The following CEP128 variants were observed in gnomAD, a reference collection of about 807,000 sequenced individuals.
CEP128 encodes centrosomal protein 128kDa.
Under a neutral mutation model 156.7 loss-of-function variants are expected in CEP128, and 132 were observed. That is an observed-to-expected ratio of 0.84 (90% CI 0.73 to 0.97). The LOEUF (loss-of-function observed/expected upper bound fraction) is 0.97. Ranked by LOEUF, CEP128 falls within the 50% of genes least tolerant of loss-of-function variation. The pLI, the probability that CEP128 is intolerant of heterozygous loss-of-function variation, is 0.00. For synonymous variants in CEP128, 469 were observed against 448.9 expected, an observed-to-expected ratio of 1.04 and a Z score of -0.57; for missense variants, 1,252 against 1,281.9, an observed-to-expected ratio of 0.98 and a Z score of 0.36.
At chr14:80,562,306 T>C (rs914222122) in intron 20 of CEP128, among the ~76,000 whole-genome samples, 3 of 151,144 alleles carry the variant, frequency 2.0e-5, no homozygotes, top group Non-Finnish European at 4.4e-5. Flanking sequence ...TCAAAAAACA[T>C]GAGGAAATTA....
chr14:80,613,290 GC>G (rs1893074169), intron 19 of CEP128, among the ~76,000 whole-genome samples: 1 of 137,384 alleles, frequency 7.3e-6, no homozygotes, highest in African/African-American at 2.7e-5. Flanking sequence ...ACAATGGAGA[GC>G]ATTTTTTTTT....
At chr14:80,520,767 G>T (rs1888704777) in intron 23 of CEP128, among the ~76,000 whole-genome samples, 1 of 152,104 alleles carries the variant, frequency 6.6e-6, no homozygotes, top group African/African-American at 2.4e-5. Flanking sequence ...GGGATGCAAA[G>T]ATGTTTTTAA....
At chr14:80,613,152 G>C (rs1014449295) in intron 19 of CEP128, among the ~76,000 whole-genome samples, 1 of 151,470 alleles carries the variant, frequency 6.6e-6, no homozygotes. Flanking sequence ...CACCACGCCC[G>C]GCCCATTGCT....
chr14:80,746,880 T>C (rs1302826691), intron 18 of CEP128, among the ~76,000 whole-genome samples: 3 of 152,156 alleles, frequency 2.0e-5, no homozygotes, highest in African/African-American at 7.2e-5. Context: ...AAGAAGTCAG[T>C]AATAAAAAGA....
In CEP128 at chr14:80,478,912, C is replaced by T. The variant is rs928716611; in HGVS notation, c.*311-505G>A. ...CCAGTTAGCTTTGTCACTCATTGTT[C>T]AACAGCTTCTGTGATTTGTTGCTGA... On this transcript the variant is annotated intron_variant and NMD_transcript_variant, in intron 14 of 14. Coordinates refer to the CEP128 transcript ENST00000554502. Among the ~76,000 whole-genome samples, 7 of 152,132 alleles carry T rather than the reference C, an allele frequency of 4.6e-5. No homozygotes were observed. In the East Asian group the frequency reaches 1.3e-3, roughly 29 times the overall value.
At chr14:80,759,729 C>G (rs1025588725) in intron 17 of CEP128, among the ~76,000 whole-genome samples, 1 of 152,072 alleles carries the variant, frequency 6.6e-6, no homozygotes, top group East Asian at 1.9e-4. Flanking sequence ...CACAGTCACT[C>G]CATGTCTGAA....
In CEP128 at chr14:80,845,700, G is replaced by C. The variant is rs143077851; in HGVS notation, c.763-4932C>G. Reference sequence around the variant, plus strand: ...TATTTTATGCCTTTGGGTTTAGAAGGGTTTTTTTTGTTTTTCACTATTTTC... The same window carrying C: ...TATTTTATGCCTTTGGGTTTAGAAGCGTTTTTTTTGTTTTTCACTATTTTC... On this transcript the variant is annotated intron_variant, in intron 9 of 24. Coordinates refer to ENST00000555265, the MANE Select transcript of CEP128 (RefSeq NM_152446.5). Among the ~76,000 whole-genome samples the C allele has an allele frequency of 6.4e-4, 97 of 152,066 alleles. 1 individual carries two copies. The highest frequency in any genetic ancestry group is 3.4e-3 in the Middle Eastern group (1 of 294).
intron 20 of CEP128, among the ~76,000 whole-genome samples, chr14:80,567,625 T>G (rs989487354): frequency 1.3e-5 from 2 of 152,182 alleles, no homozygotes; most frequent in Non-Finnish European, 2.9e-5. Context: ...TACATAGGTG[T>G]GTGCTACAGA....
chr14:80,594,779 T>G (rs1201671757), intron 19 of CEP128, among the ~76,000 whole-genome samples: 2 of 152,132 alleles, frequency 1.3e-5, no homozygotes, highest in African/African-American at 2.4e-5. Context: ...GAGATACCCA[T>G]CTCACACCAG....
intron 19 of CEP128, among the ~76,000 whole-genome samples, chr14:80,686,186 T>C (rs1445587709): frequency 2.0e-5 from 3 of 151,992 alleles, no homozygotes; most frequent in Non-Finnish European, 4.4e-5. Flanking sequence ...AGAAGATATT[T>C]GCAAACTATG....
chr14:80,781,960 G>A (rs1186956076), intron 15 of CEP128, among the ~76,000 whole-genome samples: 1 of 152,128 alleles, frequency 6.6e-6, no homozygotes, highest in African/African-American at 2.4e-5. Context: ...CTAGTGAGAA[G>A]GAAGGTTCTA....
intron 9 of CEP128, among the ~76,000 whole-genome samples, chr14:80,857,475 G>A (rs913245699): frequency 1.2e-4 from 18 of 151,792 alleles, no homozygotes; most frequent in South Asian, 4.2e-4. Flanking sequence ...GCTCCCTCCC[G>A]TAATCCCAGC....
intron 21 of CEP128, among the ~76,000 whole-genome samples, chr14:80,546,361 C>T (rs1353558674): frequency 2.0e-5 from 3 of 152,130 alleles, no homozygotes; most frequent in African/African-American, 7.2e-5. Context: ...ACAATCAGGT[C>T]TTCTAACTCC....
At chr14:80,496,023 T>C (rs1887481910), downstream of CEP128, among the ~76,000 whole-genome samples, 1 of 152,192 alleles carries the variant, frequency 6.6e-6, no homozygotes, top group Admixed American at 6.6e-5. Context: ...ATACATTACA[T>C]TGCTCTGAGA....
At chr14:80,801,090 G>A (rs1883817072) in intron 13 of CEP128, among the ~76,000 whole-genome samples, 1 of 152,214 alleles carries the variant, frequency 6.6e-6, no homozygotes, top group African/African-American at 2.4e-5. Flanking sequence ...GCTAAAGAGA[G>A]ATTAAAAAAT....
intron 2 of CEP128, among the ~76,000 whole-genome samples, chr14:80,933,995 A>G (rs1885639528): frequency 6.6e-6 from 1 of 152,240 alleles, no homozygotes; most frequent in African/African-American, 2.4e-5. Flanking sequence ...TACAAGAAAT[A>G]AGATGGCAGA....
At chr14:80,821,155 C>CTG (rs1272587180) in intron 13 of CEP128, among the ~76,000 whole-genome samples, 1 of 152,116 alleles carries the variant, frequency 6.6e-6, no homozygotes, top group Non-Finnish European at 1.5e-5. Context: ...AATTTTGTTA[C>CTG]TGTTTAAGGC....
rs146760954 is a variant in CEP128, at chr14:80,848,836, C to T, written c.763-8068G>A. Among the ~76,000 whole-genome samples, 6 of 151,904 alleles carry T rather than the reference C, an allele frequency of 3.9e-5. No homozygotes were observed. In the East Asian group the frequency reaches 1.2e-3, roughly 29 times the overall value. ...ACTCGGGAGGCTGAGGCATAAGAAT[C>T]ACTTGAACCCAGGAGGTGGTGGCTG... On this transcript the variant is annotated intron_variant, in intron 9 of 24. Transcript: ENST00000555265.
rs1211733002 is a variant in CEP128, at chr14:80,627,517, AT to A, written c.2807-47095del. ...GGCCCATTGTAGATGTTCAATTAACATTTGGTGGCTAATTTCATGAATGAAT... is the reference window on the plus strand; with the variant it reads ...GGCCCATTGTAGATGTTCAATTAACATTGGTGGCTAATTTCATGAATGAAT... On this transcript the variant is annotated intron_variant, in intron 19 of 24. Transcript: ENST00000555265. Among the ~76,000 whole-genome samples, 6 of 152,318 alleles carry A rather than the reference AT, an allele frequency of 3.9e-5. No individual in the cohort carries two copies. The South Asian group carries it at 1.2e-3, about 32-fold the overall frequency.
Sources: gnomAD v4.1 joint callset for allele counts (sites outside exome capture counted in the v4.1 genomes callset) on GRCh38, gnomAD v4.1.1 for gene constraint, MANE v1.5 for transcripts, NCBI Gene and HGNC (gene_info 2026-07-23, HGNC 2026-07-21) for gene names.